ATRNL1: variants seen among roughly 807,000 people sequenced by gnomAD.
ATRNL1 encodes the protein attractin-like protein 1.
Under a neutral mutation model 182.7 loss-of-function variants are expected in ATRNL1, and 95 were observed. The ratio of observed to expected loss-of-function variants is 0.52; its 90% confidence interval spans 0.44 to 0.62. ATRNL1 has a LOEUF of 0.62. Among genes scored for constraint, ATRNL1 ranks in the 20% least tolerant of loss-of-function variants. The pLI is 0.00. For synonymous variants in ATRNL1, 576 were observed against 568.3 expected (o/e 1.01, Z -0.19); for missense variants, 1,471 against 1,679.5 (o/e 0.88, Z 2.17).
At chr10:115,154,466 G>A (rs1846400762) in intron 5 of ATRNL1, among the ~76,000 whole-genome samples, 3 of 151,984 alleles carry the variant, frequency 2.0e-5, no homozygotes, top group Admixed American at 1.3e-4. Flanking sequence ...ATTATGTAAT[G>A]GTAAAGGATA....
At chr10:115,153,011 G>T (rs1410162973) in intron 5 of ATRNL1, among the ~76,000 whole-genome samples, 2 of 152,032 alleles carry the variant, frequency 1.3e-5, no homozygotes, top group Non-Finnish European at 2.9e-5. Context: ...TTATATGCTG[G>T]ATTACGCTTA....
intron 27 of ATRNL1, among the ~76,000 whole-genome samples, chr10:115,839,259 C>T (rs990268880): frequency 9.2e-5 from 14 of 152,184 alleles, no homozygotes; most frequent in South Asian, 4.1e-4. Context: ...CTTGTGTTCA[C>T]GAGGGATGAT....
At chr10:115,348,660 T>G (rs528349361) in intron 19 of ATRNL1, among the ~76,000 whole-genome samples, 1 of 152,132 alleles carries the variant, frequency 6.6e-6, no homozygotes, top group Non-Finnish European at 1.5e-5. Flanking sequence ...ATTGAATGCC[T>G]AATAAATGCA....
chr10:115,335,092 A>C (rs1370622407), intron 19 of ATRNL1, among the ~76,000 whole-genome samples: 1 of 152,216 alleles, frequency 6.6e-6, no homozygotes, highest in Non-Finnish European at 1.5e-5. Flanking sequence ...CTTGTTTACT[A>C]AACCCTACTT....
chr10:115,261,717 T>C (rs782379979), intron 10 of ATRNL1, among the ~76,000 whole-genome samples: 2 of 152,116 alleles, frequency 1.3e-5, no homozygotes, highest in Non-Finnish European at 2.9e-5. Context: ...CACAGATATA[T>C]ACTATCAAAG....
chr10:115,706,953 T>C (rs186332873), intron 26 of ATRNL1, among the ~76,000 whole-genome samples: 1 of 152,044 alleles, frequency 6.6e-6, no homozygotes, highest in Admixed American at 6.6e-5. Flanking sequence ...ATGCAGTCTC[T>C]CTTAGTTTTT....
At chr10:115,107,737 C>T (rs1233760605) in intron 1 of ATRNL1, among the ~76,000 whole-genome samples, 1 of 152,258 alleles carries the variant, frequency 6.6e-6, no homozygotes, top group Non-Finnish European at 1.5e-5. Flanking sequence ...TGTGCACCTG[C>T]AGAATTGGCA....
intron 28 of ATRNL1, among the ~76,000 whole-genome samples, chr10:115,891,181 T>C (rs1311261607): frequency 6.6e-6 from 1 of 152,182 alleles, no homozygotes; most frequent in African/African-American, 2.4e-5. Context: ...ACCTGTAAGG[T>C]AGCATTTATC....
intron 10 of ATRNL1, among the ~76,000 whole-genome samples, chr10:115,250,240 C>G (rs1431620686): frequency 2.0e-5 from 3 of 152,208 alleles, no homozygotes; most frequent in African/African-American, 7.2e-5. Context: ...ATTGCAAACT[C>G]TCAACACATA....
intron 5 of ATRNL1, among the ~76,000 whole-genome samples, chr10:115,155,122 G>T (rs1846442952): frequency 6.6e-6 from 1 of 151,794 alleles, no homozygotes; most frequent in East Asian, 1.9e-4. Flanking sequence ...AGTTACTCTT[G>T]CTCTTTTCTA....
intron 22 of ATRNL1, among the ~76,000 whole-genome samples, chr10:115,462,539 G>A: frequency 6.6e-6 from 1 of 152,042 alleles, no homozygotes; most frequent in Middle Eastern, 3.2e-3. Flanking sequence ...TTGAACCCAG[G>A]AGGTGGAGGT....
rs530704615 is a variant in ATRNL1, at chr10:115,488,819, G to C, written c.3654+19490G>C. Among the ~76,000 whole-genome samples, 39 of 151,976 alleles carry C rather than the reference G, an allele frequency of 2.6e-4. 1 individual carries two copies. The South Asian group carries it at 7.9e-3, about 31-fold the overall frequency. On this transcript the variant is annotated intron_variant, in intron 24 of 28. Transcript: ENST00000355044. ...CTAGTTCTTTTACTTGTGATGTTAG[G>C]GTGTCAATTTTAGATCTTTCCTGCT... is the stretch of plus-strand genomic sequence containing the variant.
intron 19 of ATRNL1, among the ~76,000 whole-genome samples, chr10:115,352,198 T>G (rs1347866490): frequency 2.0e-5 from 3 of 151,948 alleles, no homozygotes; most frequent in Non-Finnish European, 2.9e-5. Flanking sequence ...ATCTTCTCAC[T>G]TTTTTTCTTA....
chr10:115,435,958 GT>G (rs1157225136), intron 21 of ATRNL1, among the ~76,000 whole-genome samples: 1 of 152,132 alleles, frequency 6.6e-6, no homozygotes, highest in African/African-American at 2.4e-5. Context: ...ACTCATATAA[GT>G]TATTAATACA....
intron 19 of ATRNL1, among the ~76,000 whole-genome samples, chr10:115,382,715 C>A (rs1554951543): frequency 7.2e-6 from 1 of 139,030 alleles, no homozygotes; most frequent in African/African-American, 2.7e-5. Flanking sequence ...TTTTTAATAG[C>A]TACTTGGTTT....
chr10:115,242,120 G>A (rs12254644), intron 10 of ATRNL1, among the ~76,000 whole-genome samples: 2,733 of 151,896 alleles, frequency 0.018, 81 homozygotes, highest in African/African-American at 0.062. Context: ...TAGATTTTAA[G>A]GGATAAGCAA....
intron 26 of ATRNL1, among the ~76,000 whole-genome samples, chr10:115,575,298 A>G (rs909481903): frequency 6.6e-6 from 1 of 152,198 alleles, no homozygotes; most frequent in Non-Finnish European, 1.5e-5. Context: ...TTATGTGTGT[A>G]GTAAAACCTT....
At chr10:115,930,569 T>C (rs1448436322) in intron 28 of ATRNL1, among the ~76,000 whole-genome samples, 1 of 152,218 alleles carries the variant, frequency 6.6e-6, no homozygotes, top group Non-Finnish European at 1.5e-5. Context: ...TTAGCTAAAA[T>C]ATTCAACTGG....
chr10:115,537,493 C>A (rs1852100013), intron 25 of ATRNL1, among the ~76,000 whole-genome samples: 1 of 152,144 alleles, frequency 6.6e-6, no homozygotes, highest in African/African-American at 2.4e-5. Flanking sequence ...TCAGTTCTAA[C>A]TTCTTTGTAT....
Sources: allele counts gnomAD v4.1 joint callset (sites outside exome capture counted in the v4.1 genomes callset), GRCh38; gene constraint gnomAD v4.1.1; transcripts MANE v1.5; gene names NCBI Gene and HGNC (gene_info 2026-07-23, HGNC 2026-07-21).